Variants in GRID2 observed in about 807,000 individuals in gnomAD.
The protein encoded by GRID2 is glutamate receptor ionotropic, delta-2.
GRID2 carries 33 observed loss-of-function variants against 114.8 expected under a neutral mutation model. The ratio of observed to expected loss-of-function variants is 0.29; its 90% confidence interval spans 0.22 to 0.38. GRID2 has a LOEUF of 0.38. Among genes scored for constraint, GRID2 ranks in the 10% least tolerant of loss-of-function variants. GRID2 has a pLI of 1.00. For synonymous variants in GRID2, 505 were observed against 449.9 expected (o/e 1.12, Z -1.55); for missense variants, 1,184 against 1,257.7 (o/e 0.94, Z 0.89).
intron 8 of GRID2, among the ~76,000 whole-genome samples, chr4:93,285,943 A>T (rs1449852012): frequency 6.6e-6 from 1 of 152,018 alleles, no homozygotes; most frequent in African/African-American, 2.4e-5. Context: ...TAGTCTACTT[A>T]AATTATTTTG....
At chr4:92,911,460 T>G (rs1306957194) in intron 2 of GRID2, among the ~76,000 whole-genome samples, 8 of 152,030 alleles carry the variant, frequency 5.3e-5, no homozygotes, top group Admixed American at 3.3e-4. Context: ...TATTTATTTC[T>G]GCAGGTAGTT....
chr4:93,699,251 T>G lies in GRID2; in HGVS notation c.2361-69959T>G, dbSNP rs370062972. On this transcript the variant is annotated intron_variant, in intron 14 of 15. Transcript: ENST00000282020. ...AAGCATTTGGAATGAGTTCAGTAAG[T>G]TTGGTGAAGTAAAGACAATTGAACA... is the stretch of plus-strand genomic sequence containing the variant. Among the ~76,000 whole-genome samples, 8 of 152,192 alleles carry G rather than the reference T, an allele frequency of 5.3e-5. No individual in the cohort carries two copies. The South Asian group carries it at 1.0e-3, about 20-fold the overall frequency.
intron 8 of GRID2, among the ~76,000 whole-genome samples, chr4:93,246,891 G>A (rs1025439118): frequency 1.3e-5 from 2 of 152,136 alleles, no homozygotes; most frequent in African/African-American, 4.8e-5. Flanking sequence ...ATATTCTGTG[G>A]ACCAAATTGT....
At chr4:93,524,847 A>ATATATG (rs1560713807) in intron 13 of GRID2, among the ~76,000 whole-genome samples, 2 of 122,290 alleles carry the variant, frequency 1.6e-5, no homozygotes, top group South Asian at 5.6e-4. Flanking sequence ...ATATATATAT[A>ATATATG]TATGTATACA....
rs76785033 is a variant in GRID2, at chr4:93,480,669, G to A, written c.1859-9970G>A. Among the ~76,000 whole-genome samples the A allele has an allele frequency of 2.3e-3, 351 of 152,024 alleles. 4 individuals are homozygous for A. In the East Asian group the frequency reaches 0.036, roughly 16 times the overall value. Reference sequence around the variant, plus strand: ...TCTTATAGTTAGTCATCCACACCACGCCTTTACCTGGGATACTGCTTTCAT... The same window carrying A: ...TCTTATAGTTAGTCATCCACACCACACCTTTACCTGGGATACTGCTTTCAT... On this transcript the variant is annotated intron_variant, in intron 11 of 15. Coordinates refer to ENST00000282020, the MANE Select transcript of GRID2 (RefSeq NM_001510.4).
intron 1 of GRID2, among the ~76,000 whole-genome samples, chr4:92,326,910 CT>C (rs1560569077): frequency 6.6e-6 from 1 of 151,864 alleles, no homozygotes; most frequent in African/African-American, 2.4e-5. Context: ...CTCTGCACTT[CT>C]TTTTTCCTCA....
intron 1 of GRID2, among the ~76,000 whole-genome samples, chr4:92,537,175 C>T (rs1197669875): frequency 6.6e-6 from 1 of 152,012 alleles, no homozygotes; most frequent in African/African-American, 2.4e-5. Context: ...ACAAATTTAC[C>T]ATTGTGCACT....
chr4:93,686,653 G>A (rs1443911579), intron 14 of GRID2, among the ~76,000 whole-genome samples: 1 of 151,972 alleles, frequency 6.6e-6, no homozygotes, highest in Non-Finnish European at 1.5e-5. Flanking sequence ...AGATCTTTTT[G>A]ATAAAGTGGC....
chr4:93,529,884 G>A (rs1161615751), intron 13 of GRID2, among the ~76,000 whole-genome samples: 2 of 152,132 alleles, frequency 1.3e-5, no homozygotes, highest in Non-Finnish European at 2.9e-5. Flanking sequence ...TGTCCTGTCA[G>A]TGCTCCTGCC....
chr4:92,482,974 C>T (rs1359509279), intron 1 of GRID2, among the ~76,000 whole-genome samples: 33 of 152,100 alleles, frequency 2.2e-4, no homozygotes, highest in Non-Finnish European at 3.2e-4. Context: ...TGTATCCATA[C>T]ATGGAATATT....
rs566746818 is a variant in GRID2 at position 92,529,493 on chromosome 4, G to A, written c.89-60638G>A. On this transcript the variant is annotated intron_variant, in intron 1 of 15. Transcript: ENST00000282020. Reference sequence around the variant, plus strand: ...TACTGATTTCAAGAGCAGAAACAGAGGAGATAGGGATTCCAGGCCTAGGAA... The same window carrying A: ...TACTGATTTCAAGAGCAGAAACAGAAGAGATAGGGATTCCAGGCCTAGGAA... 3.9e-5 allele frequency among the ~76,000 whole-genome samples: 6 copies of A among 152,170 alleles called. No homozygotes were observed. The East Asian group carries it at 1.2e-3, about 29-fold the overall frequency.
chr4:93,338,525 C>A (rs578016268), intron 8 of GRID2, among the ~76,000 whole-genome samples: 8 of 152,124 alleles, frequency 5.3e-5, no homozygotes, highest in African/African-American at 1.9e-4. Flanking sequence ...TTGGAAGTGA[C>A]AAGTTTGAAT....
intron 2 of GRID2, among the ~76,000 whole-genome samples, chr4:93,047,470 A>C (rs1190523168): frequency 1.3e-5 from 2 of 152,054 alleles, no homozygotes; most frequent in Non-Finnish European, 2.9e-5. Flanking sequence ...AATCTAAACT[A>C]AATATTTAGT....
At chr4:93,318,543 T>C (rs1051874837) in intron 8 of GRID2, 4 of 152,084 alleles carry the variant, frequency 2.6e-5, no homozygotes, top group Admixed American at 2.6e-4. Context: ...GTCTCAAGAA[T>C]TAAACCTCGA....
At chr4:93,128,054 A>T (rs964301323) in intron 4 of GRID2, among the ~76,000 whole-genome samples, 2 of 145,008 alleles carry the variant, frequency 1.4e-5, no homozygotes, top group Non-Finnish European at 3.0e-5. Context: ...AAAAAAAAAA[A>T]AAAAACAACA....
chr4:92,608,003 T>G (rs1729540815), intron 2 of GRID2, among the ~76,000 whole-genome samples: 1 of 151,764 alleles, frequency 6.6e-6, no homozygotes, highest in Non-Finnish European at 1.5e-5. Flanking sequence ...AGGAAAAAAT[T>G]AATGAAAGGG....
At chr4:93,055,545 C>T (rs1727147043) in intron 2 of GRID2, among the ~76,000 whole-genome samples, 1 of 151,774 alleles carries the variant, frequency 6.6e-6, no homozygotes, top group Non-Finnish European at 1.5e-5. Flanking sequence ...ACAACAAAAA[C>T]ATATAAAAAA....
At chr4:92,792,491 A>ACACG (rs1486301027) in intron 2 of GRID2, among the ~76,000 whole-genome samples, 7 of 150,652 alleles carry the variant, frequency 4.6e-5, no homozygotes, top group African/African-American at 1.7e-4. Flanking sequence ...ACACACACAC[A>ACACG]CACACACACA....
intron 1 of GRID2, among the ~76,000 whole-genome samples, chr4:92,541,123 T>G (rs1725921545): frequency 6.6e-6 from 1 of 151,518 alleles, no homozygotes; most frequent in Admixed American, 6.6e-5. Context: ...AAGGAGAACA[T>G]CACACACTGG....
Sources: gnomAD v4.1 joint callset for allele counts (sites outside exome capture counted in the v4.1 genomes callset) on GRCh38, gnomAD v4.1.1 for gene constraint, MANE v1.5 for transcripts, NCBI Gene and HGNC (gene_info 2026-07-23, HGNC 2026-07-21) for gene names.